TCAF1: variants seen among roughly 807,000 people sequenced by gnomAD.
TCAF1 encodes the protein TRPM8 channel-associated factor 1.
A neutral mutation model predicts 27.3 loss-of-function variants in TCAF1; 4 were observed. That is an observed-to-expected ratio of 0.15 (90% CI 0.07 to 0.34). The LOEUF (loss-of-function observed/expected upper bound fraction) is 0.34. Ranked by LOEUF, TCAF1 falls within the 10% of genes least tolerant of loss-of-function variation. The probability of loss-of-function intolerance (pLI) is 1.00; values close to 1 mark genes in which losing one functional copy is unlikely to be tolerated. For synonymous variants in TCAF1, 105 were observed against 167.1 expected (o/e 0.63, Z 2.87); for missense variants, 257 against 425.8 (o/e 0.60, Z 3.49).
intron 1 of TCAF1, among the ~76,000 whole-genome samples, chr7:143,887,768 T>A (rs890432505): frequency 1.3e-5 from 2 of 152,158 alleles, no homozygotes; most frequent in Non-Finnish European, 2.9e-5. Context: ...GGTACAGCAA[T>A]GAGAATGAAT....
In TCAF1 at chr7:143,875,996, A is replaced by G. The variant is rs898537741; in HGVS notation, c.613T>C (p.Leu205=). The G allele has an allele frequency of 6.4e-7, 1 of 1,553,782 alleles. No homozygotes were observed. Among genetic ancestry groups the G allele is most frequent in the Non-Finnish European group, 8.7e-7 (1 of 1,149,100 alleles). ...GTGGGGTAACATACTCACCTAACCAACACTGGGATCTTGGGCATCTTCTTG... is the reference window on the plus strand; with the variant it reads ...GTGGGGTAACATACTCACCTAACCAGCACTGGGATCTTGGGCATCTTCTTG... ...VSKKMPKIPV[L]VSCEDDLSDD... The change falls in exon 2 of 9, where the codon TTG becomes CTG. Residue 205 remains leucine (L), a synonymous_variant. Coordinates refer to ENST00000479870, the MANE Select transcript of TCAF1 (RefSeq NM_014719.3).
intron 6 of TCAF1, among the ~76,000 whole-genome samples, chr7:143,859,915 GGAA>G: frequency 3.1e-5 from 1 of 32,314 alleles, no homozygotes; most frequent in South Asian, 7.8e-4. Context: ...TATATATTAC[GGAA>G]TATATATTAT....
chr7:143,860,664 C>G (rs1410356086), intron 5 of TCAF1, among the ~76,000 whole-genome samples: 1 of 152,298 alleles, frequency 6.6e-6, no homozygotes, highest in African/African-American at 2.4e-5. Flanking sequence ...ATCAACCCAT[C>G]ACCTAGGTAT....
At chr7:143,901,447 T>C (rs1455950636) in intron 1 of TCAF1, among the ~76,000 whole-genome samples, 4 of 152,208 alleles carry the variant, frequency 2.6e-5, no homozygotes, top group African/African-American at 7.2e-5. Context: ...ACCCAGCACT[T>C]GCTGCTTCAG....
At position 143,851,444 on chromosome 7, in the gene TCAF1, T is replaced by C. The variant is rs1811278937; in HGVS notation, c.*2689A>G. The C allele has an allele frequency of 1.3e-5, 2 of 152,258 alleles. No homozygotes were observed. The highest frequency in any genetic ancestry group is 1.3e-4 in the Admixed American group (2 of 15,290). 9.4% of individuals were successfully genotyped at this position (152,258 alleles called of 1,614,324 possible). Reference sequence around the variant, plus strand: ...ATGCACAAGGTAAAAAATTAAATAGTACAGAAGGACTTAAAATGAAAAACA... The same window carrying C: ...ATGCACAAGGTAAAAAATTAAATAGCACAGAAGGACTTAAAATGAAAAACA... On this transcript the variant is annotated 3_prime_UTR_variant, in exon 9 of 9. Coordinates refer to ENST00000479870, the MANE Select transcript of TCAF1 (RefSeq NM_014719.3).
intron 1 of TCAF1, among the ~76,000 whole-genome samples, chr7:143,896,178 G>C (rs765005972): frequency 6.6e-6 from 1 of 151,652 alleles, no homozygotes; most frequent in African/African-American, 2.4e-5. Context: ...AACGATAAAA[G>C]AGAGATAAAT....
intron 2 of TCAF1, among the ~76,000 whole-genome samples, chr7:143,867,567 T>C (rs1483783405): frequency 3.4e-5 from 5 of 148,078 alleles, no homozygotes; most frequent in South Asian, 2.2e-4. Flanking sequence ...TTTTTTCCAG[T>C]CTATGGCTTG....
At chr7:143,879,021 T>C (rs1255991912) in intron 1 of TCAF1, among the ~76,000 whole-genome samples, 1 of 152,224 alleles carries the variant, frequency 6.6e-6, no homozygotes, top group Non-Finnish European at 1.5e-5. Context: ...GTGGACTGCC[T>C]GCAGAGCTGG....
At chr7:143,859,887 A>ATAATATATATTACG (rs1811799379) in intron 6 of TCAF1, among the ~76,000 whole-genome samples, 3 of 108,350 alleles carry the variant, frequency 2.8e-5, no homozygotes, top group Admixed American at 1.5e-4. Flanking sequence ...ATACATATAT[A>ATAATATATATTACG]TAATATATAT....
At chr7:143,884,073 A>G (rs918349581) in intron 1 of TCAF1, among the ~76,000 whole-genome samples, 1 of 152,248 alleles carries the variant, frequency 6.6e-6, no homozygotes, top group Non-Finnish European at 1.5e-5. Flanking sequence ...AAGCCTTATT[A>G]TAAGGCTTAA....
At chr7:143,860,045 ATATATAT>A (rs1443977847) in intron 6 of TCAF1, among the ~76,000 whole-genome samples, 156 bp downstream of exon 6, 1 of 33,154 alleles carries the variant, frequency 3.0e-5, no homozygotes, top group Admixed American at 5.6e-4. Context: ...ATAATATATA[ATATATAT>A]TATATATATT....
At chr7:143,885,038 C>T in intron 1 of TCAF1, 1 of 985,384 alleles carries the variant, frequency 1.0e-6, no homozygotes, top group South Asian at 4.7e-5. Flanking sequence ...AAAAACGCGA[C>T]CACTTTGGCA....
Position 143,886,866 on chromosome 7 carries a change from A to ATT in TCAF1, c.-14-10246_-14-10245dup, listed in dbSNP as rs56317170. On this transcript the variant is annotated intron_variant, in intron 1 of 8. Coordinates refer to ENST00000479870, the MANE Select transcript of TCAF1 (RefSeq NM_014719.3). Reference sequence around the variant, plus strand: ...GCCATCATGCCCAGGGAGTTTTTGTATTTTTTTTTTTTTTTTTTTCTGTAG... The same window carrying ATT: ...GCCATCATGCCCAGGGAGTTTTTGTATTTTTTTTTTTTTTTTTTTTTCTGTAG... 7.8e-3 allele frequency among the ~76,000 whole-genome samples: 898 copies of ATT among 114,880 alleles called. 11 individuals carry two copies. The highest frequency in any genetic ancestry group is 0.012 in the Non-Finnish European group (631 of 54,254). 75.4% of individuals were successfully genotyped at this position (114,880 alleles called of 152,430 possible).
At chr7:143,901,349 CT>C (rs1814102230) in intron 1 of TCAF1, among the ~76,000 whole-genome samples, 2 of 152,202 alleles carry the variant, frequency 1.3e-5, no homozygotes, top group Admixed American at 6.5e-5. Context: ...TGGCAAAGAT[CT>C]TTTTCTCCTG....
At chr7:143,890,520 A>C (rs1165268970) in intron 1 of TCAF1, among the ~76,000 whole-genome samples, 1 of 152,244 alleles carries the variant, frequency 6.6e-6, no homozygotes, top group Non-Finnish European at 1.5e-5. Flanking sequence ...ATTGGAAACA[A>C]TAATAAAAGC....
At chr7:143,885,914 TA>T (rs1813379713) in intron 1 of TCAF1, among the ~76,000 whole-genome samples, 1 of 152,198 alleles carries the variant, frequency 6.6e-6, no homozygotes, top group Non-Finnish European at 1.5e-5. Flanking sequence ...TATTTTGTAA[TA>T]AAAATAAATT....
At chr7:143,901,662 G>A (rs1360651576) in intron 1 of TCAF1, among the ~76,000 whole-genome samples, 1 of 152,160 alleles carries the variant, frequency 6.6e-6, no homozygotes, top group Non-Finnish European at 1.5e-5. Flanking sequence ...AGATCAAATC[G>A]CCTCGAGGGT....
chr7:143,893,278 G>A (rs1294030864), intron 1 of TCAF1, among the ~76,000 whole-genome samples: 1 of 152,034 alleles, frequency 6.6e-6, no homozygotes, highest in Non-Finnish European at 1.5e-5. Flanking sequence ...AAGCAAAGTT[G>A]ACAATAATAA....
intron 2 of TCAF1, among the ~76,000 whole-genome samples, chr7:143,871,349 C>CA (rs1812454346): frequency 1.4e-5 from 2 of 143,664 alleles, no homozygotes; most frequent in Non-Finnish European, 3.1e-5. Flanking sequence ...ACTTAGCCTT[C>CA]AAAAAATACT....
Sources: gnomAD v4.1 joint callset for allele counts (sites outside exome capture counted in the v4.1 genomes callset) on GRCh38, gnomAD v4.1.1 for gene constraint, MANE v1.5 for transcripts, NCBI Gene and HGNC (gene_info 2026-07-23, HGNC 2026-07-21) for gene names.